ATP8B4: variants seen among roughly 807,000 people sequenced by gnomAD.
ATP8B4 encodes probable phospholipid-transporting ATPase IM.
ATP8B4 carries 133 observed loss-of-function variants against 145.6 expected under a neutral mutation model. The ratio of observed to expected loss-of-function variants is 0.91; its 90% CI spans 0.79 to 1.05. The LOEUF (loss-of-function observed/expected upper bound fraction) is 1.05, where lower values mean the gene tolerates loss of function less well. Ranked by LOEUF, ATP8B4 falls within the 50% of genes least tolerant of loss-of-function variation. The pLI is 0.00. For missense variants in ATP8B4, 1,458 were observed against 1,425.2 expected (o/e 1.02, Z -0.37); for synonymous variants, 507 against 492.9 (o/e 1.03, Z -0.38).
chr15:49,959,338 A>G (rs969636524), intron 14 of ATP8B4, among the ~76,000 whole-genome samples: 1 of 152,068 alleles, frequency 6.6e-6, no homozygotes, highest in African/African-American at 2.4e-5. Flanking sequence ...TTCCAAAAAT[A>G]TATCTATTCT....
intron 14 of ATP8B4, among the ~76,000 whole-genome samples, chr15:49,954,348 C>T (rs897144321): frequency 1.3e-5 from 2 of 152,140 alleles, no homozygotes; most frequent in Non-Finnish European, 2.9e-5. Context: ...CCTAATTACA[C>T]TAAAGAGCTT....
chr15:50,036,514 C>T (rs188003704), intron 6 of ATP8B4, among the ~76,000 whole-genome samples: 142 of 152,266 alleles, frequency 9.3e-4, no homozygotes, highest in African/African-American at 3.2e-3. Flanking sequence ...CCTCCATAAC[C>T]GATTTCCCCA....
At chr15:49,903,890 G>A (rs1290975919) in intron 20 of ATP8B4, among the ~76,000 whole-genome samples, 6 of 141,458 alleles carry the variant, frequency 4.2e-5, no homozygotes, top group African/African-American at 7.9e-5. Context: ...GCAAAACTCC[G>A]TCTCAAAAAA....
intron 1 of ATP8B4, among the ~76,000 whole-genome samples, chr15:50,143,440 C>T (rs1183946533): frequency 6.6e-6 from 1 of 152,256 alleles, no homozygotes; most frequent in Non-Finnish European, 1.5e-5. Flanking sequence ...CTCCATAAAG[C>T]TGCTTTAGTG....
Position 49,876,366 on chromosome 15 carries a change from A to G in ATP8B4, c.2939T>C (p.Val980Ala). 1.2e-6 allele frequency: 2 copies of G among 1,614,126 alleles called. No homozygotes were observed. Among genetic ancestry groups the G allele is most frequent in the Non-Finnish European group, 1.7e-6 (2 of 1,179,984 alleles). ...FFIPYGAFYN[V>A]AGEDGQHIAD... ...AATATGTTGCCCATCTTCTCCAGCC[A>G]CGTTGTAAAAGGCCCCATAGGGGAT... The change falls in exon 25 of 28, where the codon GTG (valine) becomes GCG (alanine). Residue 980 changes from valine (V) to alanine (A), a missense_variant. Coordinates refer to ENST00000284509, the MANE Select transcript of ATP8B4 (RefSeq NM_024837.4).
chr15:50,001,407 A>C (rs1291940591), intron 8 of ATP8B4, among the ~76,000 whole-genome samples: 2 of 152,176 alleles, frequency 1.3e-5, no homozygotes, highest in East Asian at 3.8e-4. Context: ...ATAATTTGGA[A>C]GGCACCAGTT....
intron 1 of ATP8B4, among the ~76,000 whole-genome samples, chr15:50,156,065 AATAAATAAATATAT>A (rs2044406727): frequency 4.7e-5 from 1 of 21,338 alleles, no homozygotes; most frequent in African/African-American, 1.2e-4. Flanking sequence ...GTAATAAATA[AATAAATAAATATAT>A]ATATATATAT....
At chr15:50,161,482 C>G (rs1248150680) in intron 1 of ATP8B4, among the ~76,000 whole-genome samples, 1 of 151,990 alleles carries the variant, frequency 6.6e-6, no homozygotes, top group African/African-American at 2.4e-5. Flanking sequence ...GTGATTTTCT[C>G]TAACTGTATA....
chr15:49,901,288 G>A, intron 20 of ATP8B4, 49 bp from the exon 21 acceptor site: 1 of 1,561,616 alleles, frequency 6.4e-7, no homozygotes, highest in Non-Finnish European at 8.7e-7. Flanking sequence ...TACAGAGCAT[G>A]CCTACTAATT....
At chr15:50,043,767 C>A (rs2051495469) in intron 5 of ATP8B4, among the ~76,000 whole-genome samples, 1 of 151,480 alleles carries the variant, frequency 6.6e-6, no homozygotes, top group Non-Finnish European at 1.5e-5. Flanking sequence ...TCCTGGCTAA[C>A]AAGGTGAAAC....
At chr15:50,065,545 T>C (rs2053324707) in intron 3 of ATP8B4, among the ~76,000 whole-genome samples, 1 of 152,186 alleles carries the variant, frequency 6.6e-6, no homozygotes, top group South Asian at 2.1e-4. Flanking sequence ...AGTTGATTTA[T>C]GGATTATTTT....
Position 49,923,492 on chromosome 15 carries a change from G to T in ATP8B4, c.1645C>A (p.Arg549=). Reference sequence around the variant, plus strand: ...AGCTTTATCTGTCCTTCTGGGTTTCGAACTGAAAAGAAAAAAGTTTGGAAA... The same window carrying T: ...AGCTTTATCTGTCCTTCTGGGTTTCTAACTGAAAAGAAAAAAGTTTGGAAA... The part of the protein sequence containing the change: ...NTRKRMSVIV[R]NPEGQIKLYS... The change falls in exon 17 of 28, where the codon CGA becomes AGA. Residue 549 remains arginine (R), a splice_region_variant and synonymous_variant. Transcript: ENST00000284509. The T allele has an allele frequency of 6.3e-7, 1 of 1,582,708 alleles. No homozygotes were observed. The highest frequency in any genetic ancestry group is 1.1e-5 in the South Asian group (1 of 87,308).
chr15:49,987,532 C>T lies in ATP8B4; in HGVS notation c.607G>A (p.Val203Met), dbSNP rs771553739. The change falls in exon 10 of 28, where the codon GTG (valine) becomes ATG (methionine). Residue 203 changes from valine (V) to methionine (M), a missense_variant. Val to Met is a conservative substitution (Grantham distance 21). Coordinates refer to ENST00000284509, the MANE Select transcript of ATP8B4 (RefSeq NM_024837.4). ...AATTTATCTAACTTGTTGTTAGGCA[C>T]CTCACAGACAACAATCCCTGGAAAA... is the stretch of plus-strand genomic sequence containing the variant. ...AGFDGIVVCE[V>M]PNNKLDKFMG... The T allele has an allele frequency of 6.9e-5, 111 of 1,613,106 alleles. 1 individual carries two copies. The highest frequency in any genetic ancestry group is 4.9e-4 in the Middle Eastern group (3 of 6,074).
chr15:49,931,357 C>T, intron 15 of ATP8B4, 50 bp from the exon 16 acceptor site: 1 of 1,538,008 alleles, frequency 6.5e-7, no homozygotes, highest in Non-Finnish European at 8.9e-7. Flanking sequence ...AGCTAACATT[C>T]ATAGAGTTCC....
At chr15:49,928,156 G>A (rs1011987772) in intron 16 of ATP8B4, among the ~76,000 whole-genome samples, 2 of 152,152 alleles carry the variant, frequency 1.3e-5, no homozygotes, top group African/African-American at 4.8e-5. Flanking sequence ...CTTGCCTGAG[G>A]TAGCACACAG....
chr15:50,180,936 T>G (rs1019898959), intron 1 of ATP8B4, among the ~76,000 whole-genome samples: 10 of 151,966 alleles, frequency 6.6e-5, no homozygotes, highest in African/African-American at 2.4e-4. Context: ...AAAGAGGACA[T>G]GGACAGAAAC....
chr15:50,100,713 C>T (rs2056299934), intron 2 of ATP8B4, among the ~76,000 whole-genome samples: 1 of 152,122 alleles, frequency 6.6e-6, no homozygotes, highest in African/African-American at 2.4e-5. Context: ...GCCATTGTAA[C>T]AAGTCCAAGA....
chr15:50,158,310 G>T (rs1350852213), intron 1 of ATP8B4, among the ~76,000 whole-genome samples: 2 of 150,660 alleles, frequency 1.3e-5, no homozygotes, highest in Admixed American at 1.3e-4. Flanking sequence ...AGGAAGTGAG[G>T]AGCGTCTCTG....
At chr15:50,044,723 T>A in intron 4 of ATP8B4, 31 bp from the exon 5 acceptor site, 1 of 1,503,718 alleles carries the variant, frequency 6.7e-7, no homozygotes, top group Non-Finnish European at 9.2e-7. Context: ...AGTTTAGGGC[T>A]TTTAAAGTTA....
Sources: gnomAD v4.1 joint callset for allele counts (sites outside exome capture counted in the v4.1 genomes callset) on GRCh38, gnomAD v4.1.1 for gene constraint, MANE v1.5 for transcripts, NCBI Gene and HGNC (gene_info 2026-07-23, HGNC 2026-07-21) for gene names.